The following CAMK1D variants were observed in gnomAD, a reference collection of about 807,000 sequenced individuals.
CAMK1D encodes calcium/calmodulin dependent protein kinase ID, also known as calcium/calmodulin-dependent protein kinase type 1D.
CAMK1D carries 9 observed loss-of-function variants against 47.7 expected under a neutral mutation model. The ratio of observed to expected loss-of-function variants is 0.19; its 90% confidence interval spans 0.11 to 0.33. CAMK1D has a LOEUF of 0.33. Ranked by LOEUF, CAMK1D falls within the 10% of genes least tolerant of loss-of-function variation. CAMK1D has a pLI of 1.00. For missense variants in CAMK1D, 291 were observed against 488.7 expected (o/e 0.60, Z 3.81); for synonymous variants, 184 against 184.9 (o/e 0.99, Z 0.04).
At chr10:12,373,849 C>T (rs930114462) in intron 1 of CAMK1D, among the ~76,000 whole-genome samples, 16 of 148,034 alleles carry the variant, frequency 1.1e-4, no homozygotes, top group Admixed American at 6.8e-4. Flanking sequence ...CCGAGGCAGG[C>T]GGATCACTGG....
At chr10:12,527,881 T>G (rs538508762) in intron 1 of CAMK1D, among the ~76,000 whole-genome samples, 1 of 152,362 alleles carries the variant, frequency 6.6e-6, no homozygotes, top group South Asian at 2.1e-4. Flanking sequence ...TGGGCTTGCT[T>G]CATCTTGGCC....
chr10:12,691,108 A>T (rs1470012183), intron 3 of CAMK1D, among the ~76,000 whole-genome samples: 2 of 152,026 alleles, frequency 1.3e-5, no homozygotes, highest in Admixed American at 6.6e-5. Flanking sequence ...CTGAAACGGC[A>T]AAGAGGGTAT....
chr10:12,819,031 A>C (rs920332189), intron 8 of CAMK1D, among the ~76,000 whole-genome samples: 14 of 152,330 alleles, frequency 9.2e-5, no homozygotes, highest in African/African-American at 3.1e-4. Flanking sequence ...TCAATAAAAG[A>C]GGGAGGGATG....
chr10:12,734,944 A>C (rs1835116054), intron 3 of CAMK1D, among the ~76,000 whole-genome samples: 1 of 152,230 alleles, frequency 6.6e-6, no homozygotes, highest in African/African-American at 2.4e-5. Context: ...ACATTCAGTA[A>C]GCATTTGTTA....
chr10:12,795,392 G>A (rs748706370), intron 6 of CAMK1D, among the ~76,000 whole-genome samples: 3 of 152,134 alleles, frequency 2.0e-5, no homozygotes, highest in Non-Finnish European at 2.9e-5. Flanking sequence ...TGGGTCCACC[G>A]TGCCTGGTCT....
rs148720346 is a variant in CAMK1D at position 12,757,010 on chromosome 10, T to C, written c.300-3938T>C. On this transcript the variant is annotated intron_variant, in intron 3 of 10. Transcript: ENST00000619168. ...ACCTCAAAGTTGGAATTCAGAAGAG[T>C]AGAGAATTTTTGACTATCTCTTCTG... Among the ~76,000 whole-genome samples the C allele has an allele frequency of 4.9e-3, 745 of 152,238 alleles. 4 individuals carry two copies. The highest frequency in any genetic ancestry group is 0.017 in the African/African-American group (717 of 41,546).
intron 2 of CAMK1D, among the ~76,000 whole-genome samples, chr10:12,600,502 G>A (rs913516757): frequency 5.9e-5 from 9 of 152,210 alleles, no homozygotes; most frequent in Non-Finnish European, 1.3e-4. Context: ...AGCACCTTAA[G>A]AGTTTAGTAA....
chr10:12,530,857 G>T (rs774387067), intron 1 of CAMK1D, among the ~76,000 whole-genome samples: 4 of 152,062 alleles, frequency 2.6e-5, no homozygotes, highest in Admixed American at 2.6e-4. Context: ...AGGAGTTCGA[G>T]ACCAGCCTGG....
intron 2 of CAMK1D, among the ~76,000 whole-genome samples, chr10:12,633,723 A>G (rs1008412159): frequency 1.1e-4 from 16 of 151,506 alleles, no homozygotes; most frequent in Non-Finnish European, 1.6e-4. Flanking sequence ...TGCCCAGCTA[A>G]TTTTTATCTT....
intron 1 of CAMK1D, among the ~76,000 whole-genome samples, chr10:12,468,454 C>T (rs1007766864): frequency 6.6e-6 from 1 of 152,150 alleles, no homozygotes; most frequent in Non-Finnish European, 1.5e-5. Context: ...GGAGGTGGAA[C>T]TAGAACTTTC....
intron 3 of CAMK1D, among the ~76,000 whole-genome samples, chr10:12,669,114 C>T (rs1202102511): frequency 6.6e-6 from 1 of 152,048 alleles, no homozygotes; most frequent in Non-Finnish European, 1.5e-5. Context: ...CACCTGCAGT[C>T]ACATCTACTC....
intron 6 of CAMK1D, among the ~76,000 whole-genome samples, chr10:12,792,936 C>T (rs1476816746): frequency 6.7e-6 from 1 of 148,602 alleles, no homozygotes; most frequent in East Asian, 2.0e-4. Context: ...GATCCTATCC[C>T]CTAATAAAAT....
At position 12,729,384 on chromosome 10, in the gene CAMK1D, G is replaced by A. The variant is rs779412148; in HGVS notation, c.300-31564G>A. On this transcript the variant is annotated intron_variant, in intron 3 of 10. Transcript: ENST00000619168. The stretch of plus-strand genomic sequence containing the variant: ...AGCACAGTGGCTCATGCCTGTAATC[G>A]CAGCACTTTGGGAGGCCAAGGTGGG... Among the ~76,000 whole-genome samples, 5 of 152,176 alleles carry A rather than the reference G, an allele frequency of 3.3e-5. No homozygotes were observed. The East Asian group carries it at 5.8e-4, about 18-fold the overall frequency.
chr10:12,734,377 TAG>T (rs1208566118), intron 3 of CAMK1D, among the ~76,000 whole-genome samples: 369 of 15,166 alleles, frequency 0.024, 35 homozygotes, highest in African/African-American at 0.076. Context: ...TATATATATA[TAG>T]ATATAGATAT....
At chr10:12,526,844 G>A (rs1835637444) in intron 1 of CAMK1D, among the ~76,000 whole-genome samples, 1 of 150,150 alleles carries the variant, frequency 6.7e-6, no homozygotes, top group South Asian at 2.1e-4. Context: ...ATTGAGCCTG[G>A]GAGGTTGAGG....
intron 1 of CAMK1D, among the ~76,000 whole-genome samples, chr10:12,533,895 C>T (rs1835885434): frequency 6.6e-6 from 1 of 152,136 alleles, no homozygotes; most frequent in Non-Finnish European, 1.5e-5. Context: ...AAACGTCATC[C>T]TCAAGGTCAC....
intron 2 of CAMK1D, among the ~76,000 whole-genome samples, chr10:12,569,722 CA>C (rs56335336): frequency 3.8e-3 from 273 of 71,426 alleles, no homozygotes; most frequent in Admixed American, 6.9e-3. Context: ...GACTCCGTCT[CA>C]AAAAAAAAAA....
intron 1 of CAMK1D, among the ~76,000 whole-genome samples, chr10:12,437,277 C>T (rs572709054): frequency 3.3e-5 from 5 of 152,186 alleles, no homozygotes; most frequent in South Asian, 2.1e-4. Context: ...CTGCAACCTC[C>T]GCCTCCTGGG....
chr10:12,718,034 A>T (rs921779895), intron 3 of CAMK1D, among the ~76,000 whole-genome samples: 2 of 152,046 alleles, frequency 1.3e-5, no homozygotes, highest in African/African-American at 4.8e-5. Flanking sequence ...AATTATTTTT[A>T]TTCACAATGC....
Sources: gnomAD v4.1 joint callset for allele counts (sites outside exome capture counted in the v4.1 genomes callset) on GRCh38, gnomAD v4.1.1 for gene constraint, MANE v1.5 for transcripts, NCBI Gene and HGNC (gene_info 2026-07-23, HGNC 2026-07-21) for gene names.